PCDHGB5: variants seen among roughly 807,000 people sequenced by gnomAD.
The protein encoded by PCDHGB5 is protocadherin gamma subfamily B, 5.
A neutral mutation model predicts 62.9 loss-of-function variants in PCDHGB5; 48 were observed. The observed-to-expected ratio is 0.76, with a 90% CI of 0.61 to 0.97. The LOEUF (loss-of-function observed/expected upper bound fraction) is 0.97. PCDHGB5 is among the 50% of genes least tolerant of loss of function. The pLI, the probability that PCDHGB5 is intolerant of heterozygous loss-of-function variation, is 0.00. For synonymous variants in PCDHGB5, 474 were observed against 511.2 expected (o/e 0.93, Z 0.98); for missense variants, 1,118 against 1,198.6 (o/e 0.93, Z 0.99).
chr5:141,421,507 G>A lies in PCDHGB5; in HGVS notation c.2397+20983G>A, dbSNP rs758920296. On this transcript the variant is annotated intron_variant, in intron 1 of 3. Coordinates refer to ENST00000617380, the MANE Select transcript of PCDHGB5 (RefSeq NM_018925.3). ...GATCACGGCAGGCAGGATAGACCGG[G>A]AGGAGCTCTGTGAGACGGTGTCCTC... The A allele has an allele frequency of 6.8e-6, 11 of 1,614,070 alleles. No homozygotes were observed. The South Asian group carries it at 1.2e-4, about 18-fold the overall frequency.
At chr5:141,461,951 G>C (rs1419637040) in intron 1 of PCDHGB5, among the ~76,000 whole-genome samples, 1 of 152,186 alleles carries the variant, frequency 6.6e-6, no homozygotes, top group African/African-American at 2.4e-5. Context: ...AACCTCCTGA[G>C]TAGCTGGGAT....
intron 1 of PCDHGB5, chr5:141,411,661 C>T (rs2095505180): frequency 6.6e-6 from 1 of 150,762 alleles, no homozygotes; most frequent in African/African-American, 2.4e-5. Context: ...GGTGGAGAAT[C>T]TCTTGAGCGC....
intron 1 of PCDHGB5, among the ~76,000 whole-genome samples, chr5:141,473,611 G>C (rs2099325261): frequency 6.6e-6 from 1 of 152,140 alleles, no homozygotes; most frequent in Non-Finnish European, 1.5e-5. Context: ...GCAAAGCAAA[G>C]GGAGGGAGGA....
At chr5:141,459,632 A>G (rs1202000974) in intron 1 of PCDHGB5, among the ~76,000 whole-genome samples, 1 of 152,214 alleles carries the variant, frequency 6.6e-6, no homozygotes, top group East Asian at 1.9e-4. Flanking sequence ...AAGCTGCCAA[A>G]CTATTTTTCA....
At chr5:141,407,316 G>A (rs2094914682) in intron 1 of PCDHGB5, among the ~76,000 whole-genome samples, 1 of 152,094 alleles carries the variant, frequency 6.6e-6, no homozygotes, top group Non-Finnish European at 1.5e-5. Flanking sequence ...TTCATACTTA[G>A]TATTTATAAA....
intron 1 of PCDHGB5, chr5:141,415,791 CCTAGTCTCAA>C: frequency 2.2e-6 from 3 of 1,341,938 alleles, no homozygotes; most frequent in Non-Finnish European, 1.9e-6. Flanking sequence ...GTAAAATTCA[CCTAGTCTCAA>C]TCAAGGCCTA....
intron 1 of PCDHGB5, chr5:141,416,389 T>A (rs2096020280): frequency 6.6e-6 from 1 of 152,236 alleles, no homozygotes; most frequent in Non-Finnish European, 1.5e-5. Context: ...TATTTGGGAT[T>A]CTGCTTTTGT....
Position 141,510,974 on chromosome 5 carries a change from G to T in PCDHGB5, c.2573G>T (p.Gly858Val). The T allele has an allele frequency of 6.2e-7, 1 of 1,614,150 alleles. No homozygotes were observed. The highest frequency in any genetic ancestry group is 1.1e-5 in the South Asian group (1 of 91,088). ...SEAADGSSTL[G>V]GGAGTMGLSA... ...GCTGCTGATGGGAGCTCCACCCTGG[G>T]AGGGGGTGCCGGCACCATGGGATTG... is the stretch of plus-strand genomic sequence containing the variant. The change falls in exon 4 of 4, where the codon GGA becomes GTA. Residue 858 changes from glycine (G) to valine (V), a missense_variant. Physicochemically the swap from Gly to Val is moderately radical, Grantham distance 109. Transcript: ENST00000617380.
At position 141,432,275 on chromosome 5, in the gene PCDHGB5, T is replaced by C. The variant is rs775413198; in HGVS notation, c.2397+31751T>C. 2 of 1,614,232 alleles carry C rather than the reference T, an allele frequency of 1.2e-6. No homozygotes were observed. Among genetic ancestry groups the C allele is most frequent in the South Asian group, 2.2e-5 (2 of 91,086 alleles). On this transcript the variant is annotated intron_variant, in intron 1 of 3. Coordinates refer to ENST00000617380, the MANE Select transcript of PCDHGB5 (RefSeq NM_018925.3). This position sits in a 1 kb window ranked among gnomAD's most constrained non-coding sequence, Gnocchi z 6.0. ...AGGGGCAAGCCTATCGTCCTACGTG[T>C]CCATCAACTCCGACACTGGGGTACT... is the stretch of plus-strand genomic sequence containing the variant.
Position 141,422,656 on chromosome 5 carries a change from G to T in PCDHGB5, c.2397+22132G>T, listed in dbSNP as rs759548203. The T allele has an allele frequency of 7.5e-6, 12 of 1,609,898 alleles. 1 individual carries two copies. The African/African-American group carries it at 1.1e-4, about 14-fold the overall frequency. On this transcript the variant is annotated intron_variant, in intron 1 of 3. Transcript: ENST00000617380. The stretch of plus-strand genomic sequence containing the variant: ...GGGTGCCTCCATCTTCTCAGTGACC[G>T]CCCTCGACCCGGACAGCAAACAGAA...
chr5:141,482,998 T>C (rs1458221945), intron 1 of PCDHGB5, among the ~76,000 whole-genome samples: 1 of 152,008 alleles, frequency 6.6e-6, no homozygotes, highest in Non-Finnish European at 1.5e-5. Flanking sequence ...GGCAGGAGAA[T>C]TGCTTGAACC....
At position 141,432,987 on chromosome 5, in the gene PCDHGB5, T is replaced by C. The variant is rs1259121931; in HGVS notation, c.2397+32463T>C. ...GCGCCGGCGTCGCACTTTGTGGGCGTGGACGGGGTGCAGGCTTTCCTGCAG... is the reference window on the plus strand; with the variant it reads ...GCGCCGGCGTCGCACTTTGTGGGCGCGGACGGGGTGCAGGCTTTCCTGCAG... On this transcript the variant is annotated intron_variant, in intron 1 of 3. Coordinates refer to ENST00000617380, the MANE Select transcript of PCDHGB5 (RefSeq NM_018925.3). The surrounding 1 kb of genome is among the most constrained non-coding windows in gnomAD (Gnocchi z 6.0). The C allele has an allele frequency of 3.7e-6, 6 of 1,614,174 alleles. No individual in the cohort carries two copies. Among genetic ancestry groups the C allele is most frequent in the Non-Finnish European group, 5.1e-6 (6 of 1,180,032 alleles).
intron 1 of PCDHGB5, chr5:141,422,145 G>A: frequency 1.3e-6 from 2 of 1,580,726 alleles, no homozygotes; most frequent in Non-Finnish European, 8.6e-7. Context: ...AAGTACGGGG[G>A]TCTCTGGATT....
chr5:141,506,506 C>T (rs1279198463), intron 3 of PCDHGB5, among the ~76,000 whole-genome samples: 2 of 151,030 alleles, frequency 1.3e-5, no homozygotes. Context: ...GATTCAAATC[C>T]TGGCACCTGG....
chr5:141,445,334 A>G (rs1337991795), intron 1 of PCDHGB5, among the ~76,000 whole-genome samples: 1 of 152,224 alleles, frequency 6.6e-6, no homozygotes, highest in African/African-American at 2.4e-5. Context: ...ATCCAGAAAC[A>G]GTAAACATTG....
Position 141,491,536 on chromosome 5 carries a change from C to T in PCDHGB5, c.2398-3271C>T, listed in dbSNP as rs746800813. 1.2e-6 allele frequency: 2 copies of T among 1,614,006 alleles called. No individual in the cohort carries two copies. Among genetic ancestry groups the T allele is most frequent in the Admixed American group, 3.3e-5 (2 of 60,030 alleles). On this transcript the variant is annotated intron_variant, in intron 1 of 3. Coordinates refer to ENST00000617380, the MANE Select transcript of PCDHGB5 (RefSeq NM_018925.3). This position sits in a 1 kb window ranked among gnomAD's most constrained non-coding sequence, Gnocchi z 6.9. ...CAAGTACATGGAGGTGACGCTGCGG[C>T]CCACAGACTCGCAGAGCCACTGCTA...
intron 1 of PCDHGB5, chr5:141,427,791 G>T (rs763294539): frequency 1.3e-6 from 2 of 1,488,082 alleles, no homozygotes; most frequent in South Asian, 1.1e-5. Context: ...GTCGTCCTAC[G>T]TGTCCGTGAG....
chr5:141,429,955 A>G (rs971940539), intron 1 of PCDHGB5, among the ~76,000 whole-genome samples: 1 of 152,202 alleles, frequency 6.6e-6, no homozygotes, highest in Non-Finnish European at 1.5e-5. Context: ...TTTCCAGTCA[A>G]TGCAAGTTGG....
At chr5:141,507,557 C>T (rs959957585) in intron 3 of PCDHGB5, among the ~76,000 whole-genome samples, 5 of 152,250 alleles carry the variant, frequency 3.3e-5, no homozygotes, top group Middle Eastern at 3.4e-3. Flanking sequence ...AAGTGGCAGG[C>T]GGCTGGGTCT....
Sources: allele counts gnomAD v4.1 joint callset (sites outside exome capture counted in the v4.1 genomes callset), GRCh38; gene constraint gnomAD v4.1.1; non-coding constraint Gnocchi (gnomAD v3.1); transcripts MANE v1.5; gene names NCBI Gene and HGNC (gene_info 2026-07-23, HGNC 2026-07-21).